SPATA16: variants seen among roughly 807,000 people sequenced by gnomAD.
The protein encoded by SPATA16 is spermatogenesis-associated protein 16.
A neutral mutation model predicts 63.3 loss-of-function variants in SPATA16; 36 were observed. The observed-to-expected ratio is 0.57, with a 90% confidence interval of 0.44 to 0.75. SPATA16 has a LOEUF of 0.75. Ranked by LOEUF, SPATA16 falls within the 30% of genes least tolerant of loss-of-function variation. The probability of loss-of-function intolerance (pLI) is 0.00; values close to 1 mark genes in which losing one functional copy is unlikely to be tolerated. For synonymous variants in SPATA16, 203 were observed against 216.7 expected (o/e 0.94, Z 0.56); for missense variants, 646 against 679.3 (o/e 0.95, Z 0.54).
intron 6 of SPATA16, among the ~76,000 whole-genome samples, chr3:172,949,359 A>G (rs2109615922): frequency 6.6e-6 from 1 of 152,328 alleles, no homozygotes; most frequent in African/African-American, 2.4e-5. Context: ...TTGCGAGCCA[A>G]GTATTAGAGG....
At chr3:172,929,407 T>C (rs1732815383) in intron 6 of SPATA16, among the ~76,000 whole-genome samples, 1 of 152,170 alleles carries the variant, frequency 6.6e-6, no homozygotes, top group Non-Finnish European at 1.5e-5. Context: ...CTGAAAGAGG[T>C]AAACAGTTTT....
chr3:172,916,233 T>TTTG, intron 9 of SPATA16, 84 bp downstream of exon 9: 2 of 1,259,662 alleles, frequency 1.6e-6, no homozygotes, highest in Non-Finnish European at 2.2e-6. Context: ...ACCACAGGAT[T>TTTG]TTTTTTTTTT....
At chr3:173,086,968 C>A (rs1423263702) in intron 2 of SPATA16, among the ~76,000 whole-genome samples, 2 of 152,088 alleles carry the variant, frequency 1.3e-5, no homozygotes, top group Non-Finnish European at 2.9e-5. Flanking sequence ...AATTTTAGAG[C>A]AAATGCCATG....
At chr3:173,046,730 T>A (rs1007199524) in intron 3 of SPATA16, among the ~76,000 whole-genome samples, 2 of 152,030 alleles carry the variant, frequency 1.3e-5, no homozygotes, top group Non-Finnish European at 2.9e-5. Flanking sequence ...TCCTAATTAA[T>A]TTATTTTATC....
chr3:172,984,768 C>T (rs1474468778), intron 4 of SPATA16, among the ~76,000 whole-genome samples: 1 of 152,122 alleles, frequency 6.6e-6, no homozygotes, highest in Non-Finnish European at 1.5e-5. Context: ...TGCCTTCCTG[C>T]TAGTCTGAAA....
At chr3:172,928,730 T>G (rs1264317837) in intron 6 of SPATA16, among the ~76,000 whole-genome samples, 1 of 152,206 alleles carries the variant, frequency 6.6e-6, no homozygotes, top group Non-Finnish European at 1.5e-5. Context: ...TATTCTCTGT[T>G]CCTTCTGATC....
chr3:173,087,714 C>G (rs1049950824), intron 2 of SPATA16, among the ~76,000 whole-genome samples: 8 of 152,142 alleles, frequency 5.3e-5, no homozygotes, highest in Non-Finnish European at 1.2e-4. Flanking sequence ...GCAAGGGAGG[C>G]CTGGTGGTGA....
chr3:173,127,507 A>G (rs537558034), intron 1 of SPATA16, among the ~76,000 whole-genome samples: 1 of 152,286 alleles, frequency 6.6e-6, no homozygotes, highest in African/African-American at 2.4e-5. Flanking sequence ...TTACTCTGGA[A>G]TAGTTCTTTC....
At chr3:173,111,607 G>A (rs1560126641) in intron 2 of SPATA16, among the ~76,000 whole-genome samples, 1 of 152,196 alleles carries the variant, frequency 6.6e-6, no homozygotes, top group Non-Finnish European at 1.5e-5. Flanking sequence ...TAAGCTTTCT[G>A]AGATATCCAC....
rs115171110 is a variant in SPATA16 at position 172,992,113 on chromosome 3, T to C, written c.849-15061A>G. On this transcript the variant is annotated intron_variant, in intron 4 of 10. Coordinates refer to ENST00000351008, the MANE Select transcript of SPATA16 (RefSeq NM_031955.6). ...GCATTCCTTTTGTGGCACAGTACAA[T>C]ACTCATTTGTTTCTTTTGAGGTTTG... is the stretch of plus-strand genomic sequence containing the variant. Among the ~76,000 whole-genome samples the C allele has an allele frequency of 9.9e-3, 1,501 of 152,244 alleles. 26 individuals are homozygous for C. Among genetic ancestry groups the C allele is most frequent in the African/African-American group, 0.033 (1,381 of 41,548 alleles).
intron 4 of SPATA16, among the ~76,000 whole-genome samples, chr3:172,998,266 A>G (rs556335191): frequency 1.3e-5 from 2 of 152,192 alleles, no homozygotes; most frequent in South Asian, 4.1e-4. Context: ...TGTTAGATTT[A>G]TATCTAAGTA....
chr3:173,078,886 GTC>G (rs1736863906), intron 2 of SPATA16, among the ~76,000 whole-genome samples: 1 of 152,102 alleles, frequency 6.6e-6, no homozygotes, highest in Non-Finnish European at 1.5e-5. Context: ...TTCTGTATTA[GTC>G]TTTGGTAATG....
intron 1 of SPATA16, among the ~76,000 whole-genome samples, chr3:173,137,821 CA>C (rs1738588424): frequency 1.4e-5 from 1 of 71,294 alleles, no homozygotes; most frequent in Non-Finnish European, 3.2e-5. Flanking sequence ...CATGGACTCT[CA>C]ACACACACAC....
chr3:173,052,416 G>C (rs1186644163), intron 2 of SPATA16, among the ~76,000 whole-genome samples: 4 of 152,120 alleles, frequency 2.6e-5, no homozygotes, highest in Non-Finnish European at 5.9e-5. Context: ...CAGCCTGCTG[G>C]GTAGGCTTTA....
chr3:172,916,353 G>A lies in SPATA16; in HGVS notation c.1467C>T (p.Pro489=), dbSNP rs755176371. 1 of 1,613,662 alleles carries A rather than the reference G, an allele frequency of 6.2e-7. No individual in the cohort carries two copies. The highest frequency in any genetic ancestry group is 8.5e-7 in the Non-Finnish European group (1 of 1,179,684). Residue 489 remains proline (P), a synonymous_variant, in exon 9 of 11, where the codon CCC becomes CCT. Coordinates refer to ENST00000351008, the MANE Select transcript of SPATA16 (RefSeq NM_031955.6). ...CCTGTTGACTGATGTCCTGTAGGTAGGGAATGGTTGCTAGCTCTGCCATTG... is the reference window on the plus strand; with the variant it reads ...CCTGTTGACTGATGTCCTGTAGGTAAGGAATGGTTGCTAGCTCTGCCATTG... ...NQAMAELATI[P]YLQDISQQEA...
At chr3:172,928,506 G>A (rs1732791924) in intron 6 of SPATA16, among the ~76,000 whole-genome samples, 1 of 152,180 alleles carries the variant, frequency 6.6e-6, no homozygotes, top group Non-Finnish European at 1.5e-5. Flanking sequence ...TTCTGGTGCA[G>A]CACTATTGCC....
At chr3:172,961,241 T>C (rs1256597152) in intron 5 of SPATA16, among the ~76,000 whole-genome samples, 45 of 152,096 alleles carry the variant, frequency 3.0e-4, no homozygotes, top group Non-Finnish European at 8.8e-5. Flanking sequence ...TGATGATTAT[T>C]ATAGATTATC....
chr3:172,966,569 T>G (rs992751504), intron 5 of SPATA16, among the ~76,000 whole-genome samples: 1 of 152,150 alleles, frequency 6.6e-6, no homozygotes, highest in African/African-American at 2.4e-5. Context: ...TGTTAAAGGC[T>G]GACATTTGAA....
chr3:173,123,932 A>T (rs995976884), intron 1 of SPATA16, among the ~76,000 whole-genome samples: 1 of 152,108 alleles, frequency 6.6e-6, no homozygotes, highest in Non-Finnish European at 1.5e-5. Context: ...GTTTTTAAAG[A>T]TCTGTAGCTG....
Sources: allele counts gnomAD v4.1 joint callset (sites outside exome capture counted in the v4.1 genomes callset), GRCh38; gene constraint gnomAD v4.1.1; transcripts MANE v1.5; gene names NCBI Gene and HGNC (gene_info 2026-07-23, HGNC 2026-07-21).